The following CDH23 variants were observed in gnomAD, a reference collection of about 807,000 sequenced individuals.
CDH23 encodes cadherin related 23.
A neutral mutation model predicts 317.1 loss-of-function variants in CDH23; 189 were observed. The ratio of observed to expected loss-of-function variants is 0.60; its 90% CI spans 0.53 to 0.67. The LOEUF is 0.67. Among genes scored for constraint, CDH23 ranks in the 30% least tolerant of loss-of-function variants. The probability of loss-of-function intolerance (pLI) is 0.00; values close to 1 mark genes in which losing one functional copy is unlikely to be tolerated. For missense variants in CDH23, 4,401 were observed against 4,592.4 expected, an observed-to-expected ratio of 0.96 and a Z score of 1.20; for synonymous variants, 1,839 against 1,876.8, an observed-to-expected ratio of 0.98 and a Z score of 0.52.
chr10:71,761,585 A>C, intron 38 of CDH23: 1 of 1,561,748 alleles, frequency 6.4e-7, no homozygotes, highest in Non-Finnish European at 8.7e-7. Flanking sequence ...TGTCACGTGC[A>C]GGATGCCCTC....
intron 6 of CDH23, among the ~76,000 whole-genome samples, chr10:71,535,480 G>A (rs1229518518): frequency 1.3e-5 from 2 of 152,302 alleles, no homozygotes; most frequent in East Asian, 1.9e-4. Context: ...AGAAGGTTTC[G>A]CTCCACATCC....
chr10:71,584,030 T>C (rs1304253346), intron 9 of CDH23, among the ~76,000 whole-genome samples: 2 of 152,012 alleles, frequency 1.3e-5, no homozygotes, highest in African/African-American at 4.8e-5. Context: ...ACCTAAAGAA[T>C]CAGAAACTCT....
Position 71,646,416 on chromosome 10 carries a change from G to T in CDH23, c.1291-43G>T, listed in dbSNP as rs1372603404. On this transcript the variant is annotated intron_variant, in intron 13 of 69. Transcript: ENST00000224721. ...TTACAGGGACAAGGACTCTGGGAGG[G>T]GACATGTGGGAGCTTACCTGGGCCC... The T allele has an allele frequency of 1.9e-6, 3 of 1,604,736 alleles. No homozygotes were observed. The East Asian group carries it at 6.7e-5, about 36-fold the overall frequency.
chr10:71,690,562 G>T lies in CDH23; in HGVS notation c.2154G>T (p.Gln718His). ...TCTACTCCTTGGAAGGCTCCACCCA[G>T]TTTCGGATCAATGCCCGCTCAGGTG... Reference protein sequence around the residue: ...SIIYSLEGSTQFRINARSGEI... With the variant: ...SIIYSLEGSTHFRINARSGEI... The change falls in exon 20 of 70, where the codon CAG (glutamine) becomes CAT (histidine). Residue 718 changes from glutamine (Q) to histidine (H), a missense_variant. By Grantham distance (24) the Gln-to-His change is conservative. This residue lies in a region of CDH23 where 3,068 missense variants were observed against 3,203.3 expected (regional missense o/e 0.96). Coordinates refer to ENST00000224721, the MANE Select transcript of CDH23 (RefSeq NM_022124.6). The T allele has an allele frequency of 1.9e-6, 3 of 1,605,742 alleles. No individual in the cohort carries two copies. The highest frequency in any genetic ancestry group is 2.6e-6 in the Non-Finnish European group (3 of 1,176,240).
intron 11 of CDH23, among the ~76,000 whole-genome samples, chr10:71,640,331 C>T (rs1263390566): frequency 6.6e-6 from 1 of 152,226 alleles, no homozygotes; most frequent in African/African-American, 2.4e-5. Context: ...TCCACCATAC[C>T]TTACTGCTTA....
chr10:71,435,522 G>A (rs893550205), intron 1 of CDH23, among the ~76,000 whole-genome samples: 8 of 152,222 alleles, frequency 5.3e-5, no homozygotes, highest in Admixed American at 5.2e-4. Flanking sequence ...TTCTTAGGAG[G>A]AGGGCTCTAA....
chr10:71,773,713 G>A (rs1840747166), intron 38 of CDH23, among the ~76,000 whole-genome samples: 1 of 152,204 alleles, frequency 6.6e-6, no homozygotes, highest in South Asian at 2.1e-4. Context: ...CACTTGATCG[G>A]CAGTTTAAAG....
At chr10:71,577,775 G>A (rs1858319149) in intron 8 of CDH23, 139 bp from the exon 9 acceptor site, 1 of 699,036 alleles carries the variant, frequency 1.4e-6, no homozygotes, top group Non-Finnish European at 2.5e-6. Flanking sequence ...GCTGATGCCT[G>A]AGCCCTTGGC....
intron 38 of CDH23, chr10:71,752,964 A>G (rs1840043109): frequency 2.5e-6 from 4 of 1,612,582 alleles, no homozygotes; most frequent in African/African-American, 1.3e-5. Flanking sequence ...GAAGGTCTCC[A>G]TGGGCCTTAC....
chr10:71,720,019 C>G (rs1018742267), intron 28 of CDH23, among the ~76,000 whole-genome samples: 2 of 152,230 alleles, frequency 1.3e-5, no homozygotes, highest in Non-Finnish European at 2.9e-5. Flanking sequence ...GTTTTACTGC[C>G]TCTGCGGCCC....
intron 1 of CDH23, among the ~76,000 whole-genome samples, chr10:71,412,304 A>G (rs1409562440): frequency 6.6e-6 from 1 of 152,146 alleles, no homozygotes; most frequent in Non-Finnish European, 1.5e-5. Context: ...TCTGCTATCA[A>G]TTCTTTTGAG....
intron 1 of CDH23, among the ~76,000 whole-genome samples, chr10:71,439,235 C>T (rs181311078): frequency 1.3e-3 from 192 of 152,278 alleles, no homozygotes; most frequent in Non-Finnish European, 2.1e-3. Context: ...CCTCTTTGGA[C>T]ACCATGACCT....
At chr10:71,553,180 C>T (rs368656589) in intron 6 of CDH23, among the ~76,000 whole-genome samples, 25 of 152,268 alleles carry the variant, frequency 1.6e-4, no homozygotes, top group African/African-American at 5.8e-4. Flanking sequence ...TTGGAATAGA[C>T]ATTGGAATAG....
At position 71,807,413 on chromosome 10, in the gene CDH23, CCAGA is replaced by C. The variant is rs765229631; in HGVS notation, c.8308+12_8308+15del. On this transcript the variant is annotated splice_region_variant and intron_variant, in intron 58 of 69. Transcript: ENST00000224721. ...GTGTACTACTTCATCGCAGGTGGGG[CCAGA>C]CAGAGCTAGTGCCCTGATTACCCTG... 14 of 1,613,736 alleles carry C rather than the reference CCAGA, an allele frequency of 8.7e-6. No individual in the cohort carries two copies. In the African/African-American group the frequency reaches 1.9e-4, roughly 22 times the overall value.
chr10:71,447,607 G>A (rs1224873985), intron 3 of CDH23, among the ~76,000 whole-genome samples: 3 of 152,174 alleles, frequency 2.0e-5, no homozygotes, highest in South Asian at 2.1e-4. Flanking sequence ...ATAGATCAGT[G>A]TTGTAAGGCT....
chr10:71,591,224 G>C (rs1378314840), intron 9 of CDH23, among the ~76,000 whole-genome samples: 1 of 152,212 alleles, frequency 6.6e-6, no homozygotes, highest in Non-Finnish European at 1.5e-5. Flanking sequence ...TCACCCGAAT[G>C]CTGGTTCCCC....
chr10:71,406,306 A>T (rs1455830169), intron 1 of CDH23, among the ~76,000 whole-genome samples: 1 of 152,184 alleles, frequency 6.6e-6, no homozygotes, highest in Non-Finnish European at 1.5e-5. Flanking sequence ...TCCTCTGGGG[A>T]AGAGGGTCTG....
chr10:71,759,228 G>A (rs1035633539), intron 38 of CDH23, among the ~76,000 whole-genome samples: 7 of 151,910 alleles, frequency 4.6e-5, no homozygotes, highest in African/African-American at 1.7e-4. Flanking sequence ...AGTAGAGATG[G>A]GGTTTCACCC....
intron 6 of CDH23, among the ~76,000 whole-genome samples, chr10:71,523,537 G>A (rs950394112): frequency 1.3e-5 from 2 of 152,162 alleles, no homozygotes; most frequent in East Asian, 1.9e-4. Context: ...GTGTGCTGGC[G>A]ATTACAGACA....
Sources: gnomAD v4.1 joint callset for allele counts (sites outside exome capture counted in the v4.1 genomes callset) on GRCh38, gnomAD v4.1.1 for gene constraint, gnomAD v4.1.1 regional missense constraint, MANE v1.5 for transcripts, NCBI Gene and HGNC (gene_info 2026-07-23, HGNC 2026-07-21) for gene names.